The following CFH variants were observed in gnomAD, a reference collection of about 807,000 sequenced individuals.
CFH encodes the protein H factor 1 (complement).
Under a neutral mutation model 147.3 loss-of-function variants are expected in CFH, and 53 were observed. The observed-to-expected ratio is 0.36, with a 90% CI of 0.29 to 0.45. CFH has a LOEUF of 0.45. Ranked by LOEUF, CFH falls within the 20% of genes least tolerant of loss-of-function variation. The pLI is 1.00. For missense variants in CFH, 1,380 were observed against 1,498.0 expected (o/e 0.92, Z 1.30); for synonymous variants, 536 against 489.4 (o/e 1.10, Z -1.26).
At chr1:196,698,708 C>T (rs767872351) in intron 9 of CFH, among the ~76,000 whole-genome samples, 1 of 152,114 alleles carries the variant, frequency 6.6e-6, no homozygotes, top group Non-Finnish European at 1.5e-5. Flanking sequence ...AGAAGGTCTC[C>T]TCCTTAACTC....
intron 17 of CFH, among the ~76,000 whole-genome samples, chr1:196,737,915 T>A (rs1325829990): frequency 6.6e-6 from 1 of 152,186 alleles, no homozygotes; most frequent in Admixed American, 6.5e-5. Context: ...ATTATTCTCA[T>A]GCTGCCATAA....
intron 12 of CFH, 51 bp downstream of exon 12, chr1:196,725,348 C>A (rs369313875): frequency 1.3e-6 from 2 of 1,556,592 alleles, no homozygotes; most frequent in Non-Finnish European, 1.8e-6. Context: ...CTTTGAATAC[C>A]AACTTTTTTC....
At chr1:196,712,903 G>T (rs1469802299) in intron 9 of CFH, among the ~76,000 whole-genome samples, 1 of 151,392 alleles carries the variant, frequency 6.6e-6, no homozygotes, top group Non-Finnish European at 1.5e-5. Flanking sequence ...TACTGAGAAT[G>T]ATGATTTCCA....
intron 21 of CFH, 130 bp from the exon 22 acceptor site, chr1:196,746,981 A>G (rs1653030949): frequency 6.8e-6 from 10 of 1,469,918 alleles, no homozygotes; most frequent in Admixed American, 1.9e-5. Context: ...ATGTTTCTAC[A>G]TAGTTGGTTT....
chr1:196,726,809 C>T lies in CFH; in HGVS notation c.2105C>T (p.Ala702Val), dbSNP rs1411143726. The change falls in exon 14 of 22, where the codon GCC becomes GTC. Residue 702 changes from alanine to valine, a missense_variant. By Grantham distance (64) the Ala-to-Val change is moderately conservative. Transcript: ENST00000367429. ...GDIPELEHGW[A>V]QLSSPPYYYG... Reference sequence around the variant, plus strand: ...ATACCTGAACTTGAACATGGCTGGGCCCAGCTTTCTTCCCCTCCTTATTAC... The same window carrying T: ...ATACCTGAACTTGAACATGGCTGGGTCCAGCTTTCTTCCCCTCCTTATTAC... The T allele has an allele frequency of 1.2e-6, 2 of 1,613,780 alleles. No homozygotes were observed. The highest frequency in any genetic ancestry group is 1.3e-5 in the African/African-American group (1 of 74,990).
intron 1 of CFH, among the ~76,000 whole-genome samples, chr1:196,654,367 T>C (rs964783775): frequency 6.6e-6 from 1 of 152,132 alleles, no homozygotes; most frequent in Non-Finnish European, 1.5e-5. Flanking sequence ...GGGTACTACA[T>C]AGAACCTTTC....
chr1:196,728,202 C>A, intron 14 of CFH, 144 bp from the exon 15 acceptor site: 1 of 576,356 alleles, frequency 1.7e-6, no homozygotes, highest in Non-Finnish European at 2.8e-6. Flanking sequence ...GCAATGTGAT[C>A]AGGAATAACT....
chr1:196,743,716 A>C lies in CFH; in HGVS notation c.3310+88A>C. 1.9e-6 allele frequency: 3 copies of C among 1,574,450 alleles called. No individual in the cohort carries two copies. The Admixed American group carries it at 5.0e-5, about 26-fold the overall frequency. ...TAAACAAAATGAAGTCATTTTTATT[A>C]ATAGATTTTTCAAATGCAAATAAAA... On this transcript the variant is annotated intron_variant, in intron 20 of 21. Transcript: ENST00000367429.
intron 10 of CFH, among the ~76,000 whole-genome samples, chr1:196,714,701 A>AGG (rs1553278114): frequency 0.043 from 2,933 of 68,838 alleles, 256 homozygotes; most frequent in African/African-American, 0.1. Flanking sequence ...AGAGAGAGAG[A>AGG]GAGAGAGAGA....
chr1:196,744,429 AT>A (rs1359336628), intron 20 of CFH, among the ~76,000 whole-genome samples: 6 of 152,108 alleles, frequency 3.9e-5, no homozygotes, highest in Non-Finnish European at 8.8e-5. Flanking sequence ...CTGTAGGGAA[AT>A]TATTAAGGAG....
chr1:196,672,413 T>C (rs571772106), intron 1 of CFH, among the ~76,000 whole-genome samples: 52 of 152,000 alleles, frequency 3.4e-4, no homozygotes, highest in African/African-American at 1.2e-3. Context: ...GAAACATTGT[T>C]CTTTTCCATC....
chr1:196,657,121 C>T (rs1340023614), intron 1 of CFH, among the ~76,000 whole-genome samples: 1 of 151,930 alleles, frequency 6.6e-6, no homozygotes, highest in African/African-American at 2.4e-5. Context: ...CCTCCCACAC[C>T]TAGCTAAATT....
intron 1 of CFH, among the ~76,000 whole-genome samples, chr1:196,654,108 T>G (rs893728339): frequency 2.6e-5 from 4 of 151,978 alleles, no homozygotes; most frequent in Admixed American, 6.5e-5. Flanking sequence ...TGAAAAATAC[T>G]CACATATATT....
At chr1:196,731,143 C>T (rs932058845) in intron 15 of CFH, among the ~76,000 whole-genome samples, 1 of 151,080 alleles carries the variant, frequency 6.6e-6, no homozygotes, top group Non-Finnish European at 1.5e-5. Flanking sequence ...TTTTAAAATT[C>T]TTTGTTTCTT....
chr1:196,672,411 GT>G (rs536231156), intron 1 of CFH, among the ~76,000 whole-genome samples: 169 of 152,186 alleles, frequency 1.1e-3, no homozygotes, highest in African/African-American at 4.0e-3. Flanking sequence ...TAGAAACATT[GT>G]TCTTTTCCAT....
rs1164881891 is a variant in CFH, at chr1:196,719,951, A to T, written c.1696+4182A>T. ...TTTTTTTTAACTTAAAATATATTAG[A>T]AATGCTATTTTGGGTTCTTTTTCCT... On this transcript the variant is annotated intron_variant, in intron 11 of 21. Coordinates refer to ENST00000367429, the MANE Select transcript of CFH (RefSeq NM_000186.4). 2.6e-5 allele frequency among the ~76,000 whole-genome samples: 4 copies of T among 151,634 alleles called. No homozygotes were observed. The East Asian group carries it at 7.7e-4, about 29-fold the overall frequency.
At chr1:196,720,824 A>T (rs1668980568) in intron 11 of CFH, among the ~76,000 whole-genome samples, 1 of 151,936 alleles carries the variant, frequency 6.6e-6, no homozygotes, top group South Asian at 2.1e-4. Flanking sequence ...GATACACAGT[A>T]GTGGGATTGC....
intron 1 of CFH, among the ~76,000 whole-genome samples, chr1:196,657,728 T>C (rs1222566009): frequency 1.3e-5 from 2 of 152,200 alleles, no homozygotes; most frequent in Non-Finnish European, 2.9e-5. Context: ...TTTGTAACTT[T>C]GCTTTATAAT....
chr1:196,659,281 T>C (rs558978087), intron 1 of CFH, among the ~76,000 whole-genome samples: 1 of 152,362 alleles, frequency 6.6e-6, no homozygotes, highest in African/African-American at 2.4e-5. Context: ...TCACAAGATA[T>C]ACCTAATTAT....
Sources: gnomAD v4.1 joint callset for allele counts (sites outside exome capture counted in the v4.1 genomes callset) on GRCh38, gnomAD v4.1.1 for gene constraint, MANE v1.5 for transcripts, NCBI Gene and HGNC (gene_info 2026-07-23, HGNC 2026-07-21) for gene names.